The following LRRC7 variants were observed in gnomAD, a reference collection of about 807,000 sequenced individuals.
LRRC7 encodes the protein leucine-rich repeat-containing protein 7.
In LRRC7, 23 loss-of-function variants were observed where a neutral mutation model predicts 175.7. The ratio of observed to expected loss-of-function variants is 0.13; its 90% CI spans 0.09 to 0.19. The LOEUF (loss-of-function observed/expected upper bound fraction) is 0.19, where lower values mean the gene tolerates loss of function less well. Among genes scored for constraint, LRRC7 ranks in the 10% least tolerant of loss-of-function variants. LRRC7 has a pLI of 1.00. For synonymous variants in LRRC7, 685 were observed against 680.9 expected, an observed-to-expected ratio of 1.01 and a Z score of -0.09; for missense variants, 1,354 against 1,904.7, an observed-to-expected ratio of 0.71 and a Z score of 5.38.
intron 8 of LRRC7, among the ~76,000 whole-genome samples, chr1:69,940,424 G>A (rs756994875): frequency 3.3e-5 from 5 of 151,966 alleles, no homozygotes; most frequent in African/African-American, 9.7e-5. Flanking sequence ...CTCGGTTTGC[G>A]TTTCCATAAA....
intron 5 of LRRC7, among the ~76,000 whole-genome samples, chr1:69,830,308 C>T (rs1471147983): frequency 2.0e-5 from 3 of 151,680 alleles, no homozygotes; most frequent in Non-Finnish European, 4.4e-5. Context: ...TCTGTTTGCC[C>T]AAATCATCTC....
intron 26 of LRRC7, among the ~76,000 whole-genome samples, chr1:70,109,220 C>G (rs2102217409): frequency 6.6e-6 from 1 of 152,214 alleles, no homozygotes; most frequent in African/African-American, 2.4e-5. Context: ...CAGGGTTTCT[C>G]CATGCTGGTC....
chr1:69,960,403 A>C (rs895960247), intron 8 of LRRC7, among the ~76,000 whole-genome samples: 1 of 151,994 alleles, frequency 6.6e-6, no homozygotes, highest in Non-Finnish European at 1.5e-5. Context: ...CTAGAGAGCT[A>C]TCTGTTTTAT....
chr1:70,091,715 G>A (rs1315850723), intron 25 of LRRC7, among the ~76,000 whole-genome samples: 1 of 152,066 alleles, frequency 6.6e-6, no homozygotes, highest in African/African-American at 2.4e-5. Context: ...GTAACATTTT[G>A]ATGACTCTAG....
intron 2 of LRRC7, among the ~76,000 whole-genome samples, chr1:69,750,093 T>TAAATAAATTAATA (rs139997047): frequency 7.0e-6 from 1 of 142,202 alleles, no homozygotes; most frequent in African/African-American, 2.6e-5. Context: ...AATAAATAAA[T>TAAATAAATTAATA]AATAATAACT....
Position 70,135,470 on chromosome 1 carries a change from C to A in LRRC7, c.*13583C>A, listed in dbSNP as rs956541132. Among the ~76,000 whole-genome samples the A allele has an allele frequency of 2.0e-5, 3 of 152,142 alleles. No individual in the cohort carries two copies. Among genetic ancestry groups the A allele is most frequent in the Non-Finnish European group, 2.9e-5 (2 of 68,034 alleles). Reference sequence around the variant, plus strand: ...ATCTAGGCTGGGTTGGGGTGCAGGACCCCCAGCAGCTGTGGGAAGAGAAGA... The same window carrying A: ...ATCTAGGCTGGGTTGGGGTGCAGGAACCCCAGCAGCTGTGGGAAGAGAAGA... On this transcript the variant is annotated 3_prime_UTR_variant, in exon 27 of 27. Transcript: ENST00000651989.
intron 7 of LRRC7, among the ~76,000 whole-genome samples, chr1:69,918,988 G>C (rs991201291): frequency 6.6e-6 from 1 of 152,146 alleles, no homozygotes; most frequent in Non-Finnish European, 1.5e-5. Context: ...CGGGCATGAA[G>C]TTATGAACCA....
In LRRC7 at chr1:70,130,765, A is replaced by G. The variant is rs1268704886; in HGVS notation, c.*8878A>G. 6.6e-6 allele frequency among the ~76,000 whole-genome samples: 1 copy of G among 152,200 alleles called. No individual in the cohort carries two copies. Among genetic ancestry groups the G allele is most frequent in the East Asian group, 1.9e-4 (1 of 5,196 alleles). ...GTCACTAGATTACGTTACCTAAGCA[A>G]TTTTTACAATTTGGATGTGGAGGGA... On this transcript the variant is annotated 3_prime_UTR_variant, in exon 27 of 27. Coordinates refer to ENST00000651989, the MANE Select transcript of LRRC7 (RefSeq NM_001370785.2).
intron 8 of LRRC7, among the ~76,000 whole-genome samples, chr1:69,971,269 A>C (rs1652208130): frequency 6.6e-6 from 1 of 152,110 alleles, no homozygotes; most frequent in Admixed American, 6.6e-5. Context: ...ATTATGTTGA[A>C]GCCAGAGCAA....
Position 70,029,152 on chromosome 1 carries a change from A to G in LRRC7, c.1995+781A>G, listed in dbSNP as rs910597820. Among the ~76,000 whole-genome samples the G allele has an allele frequency of 5.3e-5, 8 of 152,146 alleles. No homozygotes were observed. In the East Asian group the frequency reaches 5.8e-4, roughly 11 times the overall value. The stretch of plus-strand genomic sequence containing the variant: ...GTTGCATTTATTAAACACCAACTGC[A>G]TATGTAACACTGTGCCAAACACTGT... On this transcript the variant is annotated intron_variant, in intron 18 of 26. Coordinates refer to ENST00000651989, the MANE Select transcript of LRRC7 (RefSeq NM_001370785.2).
chr1:69,974,939 T>C (rs1652654852), intron 8 of LRRC7, among the ~76,000 whole-genome samples: 1 of 152,230 alleles, frequency 6.6e-6, no homozygotes, highest in Non-Finnish European at 1.5e-5. Flanking sequence ...CAATATCATC[T>C]GCAGTTATGT....
intron 7 of LRRC7, among the ~76,000 whole-genome samples, chr1:69,893,374 T>C (rs977985960): frequency 6.6e-6 from 1 of 152,220 alleles, no homozygotes; most frequent in Non-Finnish European, 1.5e-5. Context: ...CTTTCAAAAA[T>C]ATGTTTTTTG....
At position 70,125,452 on chromosome 1, in the gene LRRC7, T is replaced by C. The variant is rs554366115; in HGVS notation, c.*3565T>C. Among the ~76,000 whole-genome samples, 11 of 152,152 alleles carry C rather than the reference T, an allele frequency of 7.2e-5. No individual in the cohort carries two copies. Among genetic ancestry groups the C allele is most frequent in the Non-Finnish European group, 1.5e-4 (10 of 68,026 alleles). On this transcript the variant is annotated 3_prime_UTR_variant, in exon 27 of 27. Coordinates refer to ENST00000651989, the MANE Select transcript of LRRC7 (RefSeq NM_001370785.2). ...GATGATTGCACACATATCACTAATG[T>C]AATTACTTATTTAAAAATAGGACTG...
chr1:70,069,741 A>T (rs569123232), intron 23 of LRRC7, among the ~76,000 whole-genome samples: 1 of 152,102 alleles, frequency 6.6e-6, no homozygotes, highest in Non-Finnish European at 1.5e-5. Context: ...TGATTATTAG[A>T]ACTTTTGTAT....
chr1:70,041,281 G>A (rs937110813), intron 21 of LRRC7, among the ~76,000 whole-genome samples: 1 of 152,188 alleles, frequency 6.6e-6, no homozygotes, highest in African/African-American at 2.4e-5. Flanking sequence ...ATTGCTTGTA[G>A]GTCGTGTCTA....
At chr1:69,617,896 G>A (rs1158072192) in intron 1 of LRRC7, among the ~76,000 whole-genome samples, 1 of 152,066 alleles carries the variant, frequency 6.6e-6, no homozygotes. Context: ...AAACTAAAAA[G>A]AGAAGTAATC....
chr1:69,910,545 T>G (rs972453554), intron 7 of LRRC7, among the ~76,000 whole-genome samples: 2 of 152,148 alleles, frequency 1.3e-5, no homozygotes, highest in Non-Finnish European at 2.9e-5. Context: ...TTCTGCTGCC[T>G]GATTGTTCCT....
At chr1:69,919,582 C>T in intron 7 of LRRC7, 1 of 804,210 alleles carries the variant, frequency 1.2e-6, no homozygotes, top group South Asian at 1.4e-5. Context: ...GGCAGGAAAT[C>T]ACCCGGACCA....
chr1:69,594,934 A>T (rs957913100), intron 1 of LRRC7, among the ~76,000 whole-genome samples: 1 of 152,152 alleles, frequency 6.6e-6, no homozygotes, highest in Non-Finnish European at 1.5e-5. Context: ...AAAAATGAAG[A>T]GTTTTTCATC....
Sources: gnomAD v4.1 joint callset for allele counts (sites outside exome capture counted in the v4.1 genomes callset) on GRCh38, gnomAD v4.1.1 for gene constraint, MANE v1.5 for transcripts, NCBI Gene and HGNC (gene_info 2026-07-23, HGNC 2026-07-21) for gene names.